The following DLGAP2 variants were observed in gnomAD, a reference collection of about 807,000 sequenced individuals.
DLGAP2 encodes disks large-associated protein 2.
Under a neutral mutation model 100.3 loss-of-function variants are expected in DLGAP2, and 26 were observed. The ratio of observed to expected loss-of-function variants is 0.26; its 90% CI spans 0.19 to 0.36. DLGAP2 has a LOEUF of 0.36. DLGAP2 is among the 10% of genes least tolerant of loss of function. DLGAP2 has a pLI of 1.00. For synonymous variants in DLGAP2, 886 were observed against 630.1 expected (o/e 1.41, Z -6.08); for missense variants, 1,858 against 1,453.2 (o/e 1.28, Z -4.53).
intron 4 of DLGAP2, among the ~76,000 whole-genome samples, chr8:1,542,808 C>A (rs1205032957): frequency 1.3e-5 from 2 of 152,080 alleles, no homozygotes; most frequent in African/African-American, 4.8e-5. Flanking sequence ...TTTTTAGGAC[C>A]CTCCAGCCTG....
intron 2 of DLGAP2, among the ~76,000 whole-genome samples, chr8:1,040,290 C>CCGTGGTCAGCTCGGTGTG (rs1802297355): frequency 1.7e-5 from 2 of 114,558 alleles, no homozygotes; most frequent in Admixed American, 1.9e-4. Context: ...AGCTCGGGTT[C>CCGTGGTCAGCTCGGTGTG]CGTGGTCAGC....
intron 3 of DLGAP2, among the ~76,000 whole-genome samples, chr8:1,387,875 G>A (rs1232686173): frequency 2.0e-5 from 3 of 152,218 alleles, no homozygotes; most frequent in East Asian, 3.9e-4. Context: ...ATTTGATGGC[G>A]CTGGAAGCCG....
At chr8:1,188,767 C>A (rs1202675956) in intron 2 of DLGAP2, among the ~76,000 whole-genome samples, 1 of 152,214 alleles carries the variant, frequency 6.6e-6, no homozygotes, top group African/African-American at 2.4e-5. Context: ...AAAGACATTT[C>A]CTGTTACACG....
At chr8:1,294,652 T>C (rs1335372716) in intron 3 of DLGAP2, among the ~76,000 whole-genome samples, 3 of 152,192 alleles carry the variant, frequency 2.0e-5, no homozygotes, top group Admixed American at 6.5e-5. Flanking sequence ...ACCAAATGTT[T>C]AAAATATAAA....
chr8:1,556,240 G>C lies in DLGAP2; in HGVS notation c.1230+6557G>C, dbSNP rs150248141. On this transcript the variant is annotated intron_variant, in intron 5 of 14. Coordinates refer to ENST00000637795, the MANE Select transcript of DLGAP2 (RefSeq NM_001346810.2). Reference sequence around the variant, plus strand: ...CAGCTGAGGCTCTGCTTCTGCAGGAGTGCAGGTAGATGGGGTCCGGCTCTG... The same window carrying C: ...CAGCTGAGGCTCTGCTTCTGCAGGACTGCAGGTAGATGGGGTCCGGCTCTG... Among the ~76,000 whole-genome samples the C allele has an allele frequency of 7.5e-4, 114 of 152,360 alleles. 1 individual carries two copies. In the Middle Eastern group the frequency reaches 0.01, roughly 14 times the overall value.
At chr8:1,077,192 G>C (rs1050889387) in intron 2 of DLGAP2, among the ~76,000 whole-genome samples, 1 of 152,188 alleles carries the variant, frequency 6.6e-6, no homozygotes, top group Non-Finnish European at 1.5e-5. Flanking sequence ...CTTCTGATGA[G>C]GACACCAGTC....
At chr8:1,695,892 C>T (rs1416313905) in intron 13 of DLGAP2, among the ~76,000 whole-genome samples, 3 of 152,230 alleles carry the variant, frequency 2.0e-5, no homozygotes, top group African/African-American at 7.2e-5. Flanking sequence ...GGCTCCCAGC[C>T]GCTGGCCAGG....
At chr8:1,008,685 CAGG>C (rs1003105077) in intron 2 of DLGAP2, among the ~76,000 whole-genome samples, 1 of 152,212 alleles carries the variant, frequency 6.6e-6, no homozygotes, top group African/African-American at 2.4e-5. Flanking sequence ...TCCGCCTCTG[CAGG>C]AGGACTGGTA....
intron 10 of DLGAP2, among the ~76,000 whole-genome samples, chr8:1,674,076 G>T (rs144556612): frequency 2.9e-3 from 447 of 152,204 alleles, no homozygotes; most frequent in African/African-American, 0.01. Context: ...TAGAGACAGG[G>T]TCTCTCTCAC....
chr8:1,428,680 C>T (rs999428285), intron 3 of DLGAP2, among the ~76,000 whole-genome samples: 1 of 152,216 alleles, frequency 6.6e-6, no homozygotes, highest in Non-Finnish European at 1.5e-5. Context: ...AGTGATGGCT[C>T]TCAATCATGT....
chr8:892,565 C>T (rs1431733911), intron 1 of DLGAP2, among the ~76,000 whole-genome samples: 1 of 152,168 alleles, frequency 6.6e-6, no homozygotes, highest in Admixed American at 6.5e-5. Flanking sequence ...GAGGACAACA[C>T]AGCTAGATGG....
At chr8:1,661,491 A>T (rs990175449) in intron 8 of DLGAP2, among the ~76,000 whole-genome samples, 3 of 152,252 alleles carry the variant, frequency 2.0e-5, no homozygotes, top group Non-Finnish European at 2.9e-5. Context: ...AGGAAAGGAC[A>T]TGGGAGATCC....
At chr8:1,537,024 C>G (rs7829532) in intron 4 of DLGAP2, among the ~76,000 whole-genome samples, 1 of 151,534 alleles carries the variant, frequency 6.6e-6, no homozygotes, top group Non-Finnish European at 1.5e-5. Flanking sequence ...CTTCACACCT[C>G]GGAGAAGTAG....
intron 2 of DLGAP2, among the ~76,000 whole-genome samples, chr8:1,031,954 T>C (rs952008587): frequency 6.6e-6 from 1 of 152,222 alleles, no homozygotes; most frequent in Non-Finnish European, 1.5e-5. Context: ...TCTGGGGATG[T>C]AGGGTTTGCA....
intron 3 of DLGAP2, among the ~76,000 whole-genome samples, chr8:1,304,412 G>C (rs1463851420): frequency 6.6e-6 from 1 of 152,216 alleles, no homozygotes; most frequent in Non-Finnish European, 1.5e-5. Flanking sequence ...TATGCAGAAA[G>C]TTGTACATGA....
chr8:999,635 T>C (rs1431144209), intron 2 of DLGAP2, among the ~76,000 whole-genome samples: 1 of 151,978 alleles, frequency 6.6e-6, no homozygotes, highest in Non-Finnish European at 1.5e-5. Flanking sequence ...CCTGCCATCA[T>C]GCCTGGCTCA....
intron 3 of DLGAP2, among the ~76,000 whole-genome samples, chr8:1,436,259 C>T (rs781589806): frequency 6.6e-6 from 1 of 152,178 alleles, no homozygotes; most frequent in Non-Finnish European, 1.5e-5. Context: ...GGCCTGAGAG[C>T]CCCGGGCAAA....
At chr8:1,238,494 C>A (rs2116852424) in intron 2 of DLGAP2, among the ~76,000 whole-genome samples, 1 of 140,326 alleles carries the variant, frequency 7.1e-6, no homozygotes, top group African/African-American at 2.6e-5. Flanking sequence ...GCTTCTCTCA[C>A]ATGGCGCCGT....
chr8:1,017,805 C>G (rs905149826), intron 2 of DLGAP2, among the ~76,000 whole-genome samples: 1 of 152,230 alleles, frequency 6.6e-6, no homozygotes, highest in Non-Finnish European at 1.5e-5. Flanking sequence ...TCACTCCTCT[C>G]CACGCTACTG....
Sources: allele counts gnomAD v4.1 joint callset (sites outside exome capture counted in the v4.1 genomes callset), GRCh38; gene constraint gnomAD v4.1.1; transcripts MANE v1.5; gene names NCBI Gene and HGNC (gene_info 2026-07-23, HGNC 2026-07-21).